Variants in FAM98A observed in about 807,000 individuals in gnomAD.
FAM98A encodes the protein tRNA splicing ligase complex subunit 3A.
A neutral mutation model predicts 62.9 loss-of-function variants in FAM98A; 25 were observed. The observed-to-expected ratio is 0.40, with a 90% CI of 0.29 to 0.56. The LOEUF (loss-of-function observed/expected upper bound fraction) is 0.56, where lower values mean the gene tolerates loss of function less well. Ranked by LOEUF, FAM98A falls within the 20% of genes least tolerant of loss-of-function variation. The pLI is 0.51. For synonymous variants in FAM98A, 252 were observed against 228.6 expected (o/e 1.10, Z -0.92); for missense variants, 653 against 640.7 (o/e 1.02, Z -0.21).
intron 1 of FAM98A, 118 bp from the exon 2 acceptor site, chr2:33,595,755 TTA>T: frequency 1.6e-6 from 1 of 643,740 alleles, no homozygotes; most frequent in Non-Finnish European, 2.4e-6. Context: ...AAGTTAGTAC[TTA>T]TCTTTATTTT....
chr2:33,589,723 C>CCCCACTGTTAAGA (rs1677630164), intron 3 of FAM98A: 1 of 152,120 alleles, frequency 6.6e-6, no homozygotes, highest in Non-Finnish European at 1.5e-5. Flanking sequence ...AACAGTAAAA[C>CCCCACTGTTAAGA]CCCACTGTTA....
In FAM98A at chr2:33,587,260, G is replaced by GCTT. The variant is rs780803207; in HGVS notation, c.580_582dup (p.Lys194dup). 3.7e-6 allele frequency: 6 copies of GCTT among 1,611,842 alleles called. No homozygotes were observed. In the Admixed American group the frequency reaches 1.0e-4, roughly 27 times the overall value. ...CTCACCCAGTGGGCTGGTCCCATTG[G>GCTT]CTTCTTCAGTAAAGGCTTTCCCACA... On this transcript the variant is annotated inframe_insertion, in exon 5 of 8. Coordinates refer to ENST00000238823, the MANE Select transcript of FAM98A (RefSeq NM_015475.5).
chr2:33,588,423 T>G lies in FAM98A; in HGVS notation c.434A>C (p.Glu145Ala). The G allele has an allele frequency of 6.2e-7, 1 of 1,613,186 alleles. No individual in the cohort carries two copies. The highest frequency in any genetic ancestry group is 8.5e-7 in the Non-Finnish European group (1 of 1,179,194). The change falls in exon 4 of 8, where the codon GAG becomes GCG. Residue 145 changes from glutamate (E) to alanine (A), a missense_variant. Physicochemically the swap from Glu to Ala is moderately radical, Grantham distance 107 (BLOSUM62 -1). Coordinates refer to ENST00000238823, the MANE Select transcript of FAM98A (RefSeq NM_015475.5). ...TAGAGCAATACATATGCCTTTCAAC[T>G]CTTGAAAGACCTCACTACCGCCTCC... ...QEGGGSEVFQELKGICIALGM... is the reference protein window; with the variant it reads ...QEGGGSEVFQALKGICIALGM...
intron 1 of FAM98A, 95 bp downstream of exon 1, chr2:33,599,074 C>A (rs1677892482): frequency 1.0e-6 from 1 of 998,864 alleles, no homozygotes; most frequent in Non-Finnish European, 1.6e-6. Flanking sequence ...CGGGGTGCGG[C>A]GTGGAGAGGC....
Position 33,584,845 on chromosome 2 carries a change from C to G in FAM98A, c.1488G>C (p.Gln496His). ...QNYHQGGQFE[Q>H]HFQHGGYQYN... ...ACTGATAACCTCCATGCTGGAAATG[C>G]TGTTCAAATTGACCCCCTTGGTGAT... The change falls in exon 8 of 8, where the codon CAG (glutamine) becomes CAC (histidine). Residue 496 changes from glutamine to histidine, a missense_variant. Coordinates refer to ENST00000238823, the MANE Select transcript of FAM98A (RefSeq NM_015475.5). The G allele has an allele frequency of 1.9e-6, 3 of 1,614,112 alleles. No individual in the cohort carries two copies. The highest frequency in any genetic ancestry group is 2.5e-6 in the Non-Finnish European group (3 of 1,179,994).
At chr2:33,591,637 A>G (rs537580969) in intron 3 of FAM98A, among the ~76,000 whole-genome samples, 1 of 152,234 alleles carries the variant, frequency 6.6e-6, no homozygotes, top group Non-Finnish European at 1.5e-5. Context: ...AATACTTTAA[A>G]TTACATTAAC....
intron 3 of FAM98A, among the ~76,000 whole-genome samples, chr2:33,591,427 T>G (rs1277247300): frequency 6.6e-6 from 1 of 152,134 alleles, no homozygotes; most frequent in African/African-American, 2.4e-5. Context: ...GGCAATAAAA[T>G]TTTTGAATCT....
rs368074142 is a variant in FAM98A at position 33,595,571 on chromosome 2, G to C, written c.120C>G (p.Pro40=). 3.1e-6 allele frequency: 5 copies of C among 1,609,202 alleles called. No individual in the cohort carries two copies. Among genetic ancestry groups the C allele is most frequent in the Non-Finnish European group, 4.2e-6 (5 of 1,178,194 alleles). Residue 40 remains proline (P), a synonymous_variant, in exon 2 of 8, where the codon CCC becomes CCG. Transcript: ENST00000238823. ...SQAVSAGASS[P]EFTKLCAWLV... is the part of the protein sequence containing the mutation. ...GCCAAGCACAGAGTTTGGTAAACTC[G>C]GGGGAACTGGCTCCAGCAGAGACTG...
chr2:33,595,879 G>A (rs530791920), intron 1 of FAM98A, among the ~76,000 whole-genome samples: 61 of 150,934 alleles, frequency 4.0e-4, no homozygotes, highest in African/African-American at 1.4e-3. Context: ...TAACAGAATT[G>A]CATATACTAC....
intron 1 of FAM98A, among the ~76,000 whole-genome samples, chr2:33,597,635 C>G (rs540035075): frequency 4.6e-5 from 7 of 152,238 alleles, no homozygotes; most frequent in African/African-American, 9.6e-5. Flanking sequence ...CATCCGTGGC[C>G]AATTCTTAAG....
chr2:33,592,619 C>T (rs1354892574), intron 2 of FAM98A, among the ~76,000 whole-genome samples: 3 of 152,226 alleles, frequency 2.0e-5, no homozygotes, highest in Non-Finnish European at 2.9e-5. Context: ...ATCTTCCCAC[C>T]TTGGCGTCTT....
intron 5 of FAM98A, 63 bp downstream of exon 5, chr2:33,587,177 T>G: frequency 9.8e-7 from 1 of 1,016,162 alleles, no homozygotes; most frequent in Non-Finnish European, 1.5e-6. Context: ...ATGTAAGTGT[T>G]GACATGAAAA....
intron 3 of FAM98A, among the ~76,000 whole-genome samples, chr2:33,590,667 G>C (rs1677652917): frequency 6.6e-6 from 1 of 152,162 alleles, no homozygotes; most frequent in Admixed American, 6.5e-5. Flanking sequence ...GCAAATAGTG[G>C]TATATTCTTG....
chr2:33,599,224 T>C lies in FAM98A; in HGVS notation c.-3A>G. 6.2e-7 allele frequency: 1 copy of C among 1,613,416 alleles called. No individual in the cohort carries two copies. The highest frequency in any genetic ancestry group is 8.5e-7 in the Non-Finnish European group (1 of 1,179,284). ...GTCTCCATGAGGTCACACTCCATGCTACTGTGGTATTCAAATTTCCGAGTC... is the reference window on the plus strand; with the variant it reads ...GTCTCCATGAGGTCACACTCCATGCCACTGTGGTATTCAAATTTCCGAGTC... On this transcript the variant is annotated 5_prime_UTR_variant, in exon 1 of 8. Coordinates refer to ENST00000238823, the MANE Select transcript of FAM98A (RefSeq NM_015475.5).
At chr2:33,598,367 G>A (rs1486590926) in intron 1 of FAM98A, among the ~76,000 whole-genome samples, 2 of 152,162 alleles carry the variant, frequency 1.3e-5, no homozygotes, top group South Asian at 2.1e-4. Context: ...TAGCCCAAGA[G>A]GGTCCACGTT....
intron 2 of FAM98A, among the ~76,000 whole-genome samples, chr2:33,592,789 C>T (rs1169573588): frequency 6.6e-6 from 1 of 152,178 alleles, no homozygotes; most frequent in South Asian, 2.1e-4. Flanking sequence ...AAAGATTCTT[C>T]ATAGCTGCTT....
chr2:33,585,114 C>T lies in FAM98A; in HGVS notation c.1219G>A (p.Gly407Ser), dbSNP rs752636432. 4.3e-6 allele frequency: 7 copies of T among 1,614,080 alleles called. No homozygotes were observed. The African/African-American group carries it at 9.3e-5, about 22-fold the overall frequency. ...GGYRDSGFQP[G>S]GYHGGHSSGG... ...CTGCTGTGGCCACCATGATAGCCACCTGGCTGGAAACCTGAATCTCGATAA... is the reference window on the plus strand; with the variant it reads ...CTGCTGTGGCCACCATGATAGCCACTTGGCTGGAAACCTGAATCTCGATAA... Residue 407 changes from glycine (G) to serine (S), a missense_variant, in exon 8 of 8, where the codon GGT (glycine) becomes AGT (serine). By Grantham distance (56) the Gly-to-Ser change is moderately conservative. Coordinates refer to ENST00000238823, the MANE Select transcript of FAM98A (RefSeq NM_015475.5).
intron 3 of FAM98A, among the ~76,000 whole-genome samples, chr2:33,591,532 T>A (rs1188023954): frequency 2.0e-5 from 3 of 152,170 alleles, no homozygotes; most frequent in Non-Finnish European, 4.4e-5. Flanking sequence ...TTTCTCAGAA[T>A]AAGTACCAGA....
intron 2 of FAM98A, among the ~76,000 whole-genome samples, chr2:33,594,853 T>C (rs1277020759): frequency 1.3e-5 from 2 of 152,118 alleles, no homozygotes; most frequent in African/African-American, 4.8e-5. Flanking sequence ...TAGGTTTACC[T>C]ACAGCAGGAA....
Sources: gnomAD v4.1 joint callset for allele counts (sites outside exome capture counted in the v4.1 genomes callset) on GRCh38, gnomAD v4.1.1 for gene constraint, MANE v1.5 for transcripts, NCBI Gene and HGNC (gene_info 2026-07-23, HGNC 2026-07-21) for gene names.